ULBP1: variants seen among roughly 807,000 people sequenced by gnomAD.
ULBP1 encodes UL16-binding protein 1.
In ULBP1, 28 loss-of-function variants were observed where a neutral mutation model predicts 25.3. That is an observed-to-expected ratio of 1.10 (90% CI 0.82 to 1.51). ULBP1 has a LOEUF of 1.51. Among genes scored for constraint, ULBP1 ranks in the 40% most tolerant of loss-of-function variants. The pLI is 0.00. For missense variants in ULBP1, 348 were observed against 290.9 expected (o/e 1.20, Z -1.43); for synonymous variants, 129 against 103.0 (o/e 1.25, Z -1.53).
At chr6:149,966,346 T>A (rs908557074) in intron 1 of ULBP1, among the ~76,000 whole-genome samples, 23 of 151,996 alleles carry the variant, frequency 1.5e-4, no homozygotes, top group African/African-American at 5.6e-4. Flanking sequence ...GGGTGTCATC[T>A]CCAAGTAGTG....
intron 3 of ULBP1, 85 bp downstream of exon 3, chr6:149,969,445 G>C (rs549445059): frequency 1.3e-6 from 2 of 1,520,294 alleles, no homozygotes; most frequent in East Asian, 4.6e-5. Flanking sequence ...GTGTGTGTGT[G>C]TTTGAGTGAG....
chr6:149,967,271 T>C (rs1257545140), intron 1 of ULBP1, among the ~76,000 whole-genome samples: 2 of 152,128 alleles, frequency 1.3e-5, no homozygotes, highest in Non-Finnish European at 2.9e-5. Flanking sequence ...TGGGAGGAGG[T>C]TGGATCACAC....
chr6:149,965,285 A>T (rs371427201), intron 1 of ULBP1, among the ~76,000 whole-genome samples: 1 of 87,380 alleles, frequency 1.1e-5, no homozygotes, highest in Non-Finnish European at 2.2e-5. Flanking sequence ...GCGATCCCCC[A>T]GAACATCGCG....
At position 149,971,357 on chromosome 6, in the gene ULBP1, T is replaced by C. The variant is rs936437675; in HGVS notation, c.*23-12T>C. The C allele has an allele frequency of 4.1e-6, 4 of 985,334 alleles. No homozygotes were observed. The African/African-American group carries it at 7.0e-5, about 17-fold the overall frequency. 61.0% of individuals were successfully genotyped at this position (985,334 alleles called of 1,614,324 possible). On this transcript the variant is annotated splice_polypyrimidine_tract_variant and intron_variant, in intron 4 of 4. Coordinates refer to ENST00000229708, the MANE Select transcript of ULBP1 (RefSeq NM_025218.4). ...CTCAGCCACTTAAACCAATGCTTCA[T>C]CTTTTCTCAAGGTGGAAAGTGATAT...
Position 149,967,824 on chromosome 6 carries a change from C to A in ULBP1, c.86-783C>A, listed in dbSNP as rs140539312. 7.9e-3 allele frequency among the ~76,000 whole-genome samples: 1,208 copies of A among 152,256 alleles called. 29 individuals are homozygous for A. Among genetic ancestry groups the A allele is most frequent in the Admixed American group, 0.051 (777 of 15,290 alleles). ...GAACAGCATTTCCTACCCCCAACCC[C>A]GGCCTTCAGCAACAGGCATTCCTGG... On this transcript the variant is annotated intron_variant, in intron 1 of 4. Coordinates refer to ENST00000229708, the MANE Select transcript of ULBP1 (RefSeq NM_025218.4).
In ULBP1 at chr6:149,968,698, G is replaced by T. The variant is rs575290293; in HGVS notation, c.177G>T (p.Arg59Ser). ...AAGTTCAAGGCCTGGTGGATGAAAG[G>T]CCTTTTCTTCACTATGACTGTGTTA... Reference protein sequence around the residue: ...WCEVQGLVDERPFLHYDCVNH... With the variant: ...WCEVQGLVDESPFLHYDCVNH... Residue 59 changes from arginine (R) to serine (S), a missense_variant, in exon 2 of 5, where the codon AGG becomes AGT. Transcript: ENST00000229708. 6.2e-7 allele frequency: 1 copy of T among 1,614,110 alleles called. No homozygotes were observed. Among genetic ancestry groups the T allele is most frequent in the Non-Finnish European group, 8.5e-7 (1 of 1,180,052 alleles).
At chr6:149,969,919 T>G (rs865997125) in intron 3 of ULBP1, 97 bp from the exon 4 acceptor site, 15 of 1,476,810 alleles carry the variant, frequency 1.0e-5, no homozygotes, top group South Asian at 1.3e-5. Flanking sequence ...ACAAAAGGTC[T>G]GCCTTCCAGG....
chr6:149,964,083 T>C lies in ULBP1; in HGVS notation c.34T>C (p.Cys12Arg). Residue 12 changes from cysteine to arginine, a missense_variant, in exon 1 of 5, where the codon TGC becomes CGC. Physicochemically the swap from Cys to Arg is radical, Grantham distance 180. Coordinates refer to ENST00000229708, the MANE Select transcript of ULBP1 (RefSeq NM_025218.4). ...AAAASPAFLL[C>R]LPLLHLLSGW... ...GGCCGCCAGCCCCGCGTTCCTTCTGTGCCTCCCGCTTCTGCACCTGCTGTC... is the reference window on the plus strand; with the variant it reads ...GGCCGCCAGCCCCGCGTTCCTTCTGCGCCTCCCGCTTCTGCACCTGCTGTC... 1 of 1,614,180 alleles carries C rather than the reference T, an allele frequency of 6.2e-7. No homozygotes were observed. The highest frequency in any genetic ancestry group is 8.5e-7 in the Non-Finnish European group (1 of 1,180,036).
chr6:149,972,381 T>C lies in ULBP1; in HGVS notation c.*1035T>C, dbSNP rs1262105272. The C allele has an allele frequency of 6.6e-6, 1 of 152,144 alleles. No homozygotes were observed. The highest frequency in any genetic ancestry group is 1.5e-5 in the Non-Finnish European group (1 of 68,026). 9.4% of individuals were successfully genotyped at this position (152,144 alleles called of 1,614,324 possible). On this transcript the variant is annotated 3_prime_UTR_variant, in exon 5 of 5. Transcript: ENST00000229708. ...TCAATATGGATGAAAGATTTAAATA[T>C]AAGTACTAAAACTGTAAAAATCCTG...
intron 4 of ULBP1, among the ~76,000 whole-genome samples, chr6:149,970,597 G>A (rs2114715530): frequency 6.6e-6 from 1 of 152,364 alleles, no homozygotes; most frequent in African/African-American, 2.4e-5. Context: ...CCCAGGACGA[G>A]GGAGCTGTGA....
Position 149,968,711 on chromosome 6 carries a change from T to G in ULBP1, c.190T>G (p.Tyr64Asp), listed in dbSNP as rs748113055. 1.9e-6 allele frequency: 3 copies of G among 1,614,256 alleles called. No individual in the cohort carries two copies. The South Asian group carries it at 3.3e-5, about 18-fold the overall frequency. ...GLVDERPFLH[Y>D]DCVNHKAKAF... ...GGTGGATGAAAGGCCTTTTCTTCAC[T>G]ATGACTGTGTTAACCACAAGGCCAA... The change falls in exon 2 of 5, where the codon TAT becomes GAT. Residue 64 changes from tyrosine to aspartate, a missense_variant. Transcript: ENST00000229708.
chr6:149,967,480 G>T (rs572081763), intron 1 of ULBP1, among the ~76,000 whole-genome samples: 1 of 152,172 alleles, frequency 6.6e-6, no homozygotes, highest in Non-Finnish European at 1.5e-5. Context: ...CTCAAAGCTG[G>T]GCAAAGGAGC....
chr6:149,970,112 T>C lies in ULBP1; in HGVS notation c.722T>C (p.Leu241Pro), dbSNP rs763693687. Residue 241 changes from leucine (L) to proline (P), a missense_variant, in exon 4 of 5, where the codon CTA (leucine) becomes CCA (proline). Coordinates refer to ENST00000229708, the MANE Select transcript of ULBP1 (RefSeq NM_025218.4). ...SLLIIFLCFI[L>P]AGR ...CTCATCATCTTCCTCTGCTTCATTC[T>C]AGCTGGCAGATGAGGAGAGTTGTTT... is the stretch of plus-strand genomic sequence containing the variant. 7 of 1,609,576 alleles carry C rather than the reference T, an allele frequency of 4.3e-6. No individual in the cohort carries two copies. The African/African-American group carries it at 5.3e-5, about 12-fold the overall frequency.
intron 1 of ULBP1, 61 bp downstream of exon 1, chr6:149,964,195 A>G: frequency 6.3e-7 from 1 of 1,588,268 alleles, no homozygotes; most frequent in Non-Finnish European, 8.6e-7. Context: ...TGTGGACTGC[A>G]GCGGGTTTCA....
intron 1 of ULBP1, among the ~76,000 whole-genome samples, chr6:149,967,825 G>A (rs949719458): frequency 3.3e-5 from 5 of 151,998 alleles, no homozygotes; most frequent in Admixed American, 6.5e-5. Flanking sequence ...CCCCAACCCC[G>A]GCCTTCAGCA....
At chr6:149,967,330 G>A (rs1167843102) in intron 1 of ULBP1, among the ~76,000 whole-genome samples, 4 of 152,232 alleles carry the variant, frequency 2.6e-5, no homozygotes, top group Admixed American at 2.0e-4. Flanking sequence ...ATGGCATACA[G>A]TTACCAGAGT....
chr6:149,968,904 T>C, intron 2 of ULBP1, 34 bp downstream of exon 2: 1 of 1,597,830 alleles, frequency 6.3e-7, no homozygotes, highest in Non-Finnish European at 8.5e-7. Flanking sequence ...GCAGACACAG[T>C]AGTAACTTAG....
Position 149,972,963 on chromosome 6 carries a change from A to G in ULBP1, c.*1617A>G, listed in dbSNP as rs765273095. The G allele has an allele frequency of 2.6e-5, 4 of 152,192 alleles. No homozygotes were observed. Among genetic ancestry groups the G allele is most frequent in the Non-Finnish European group, 5.9e-5 (4 of 68,030 alleles). The allele number at this position is 152,192 out of a possible 1,614,324, so 9.4% of individuals were successfully genotyped here. Reference sequence around the variant, plus strand: ...AATAGAACTACCATTCAATCCCGCAATCCCACTACTCGGGATATACCCACA... The same window carrying G: ...AATAGAACTACCATTCAATCCCGCAGTCCCACTACTCGGGATATACCCACA... On this transcript the variant is annotated 3_prime_UTR_variant, in exon 5 of 5. Coordinates refer to ENST00000229708, the MANE Select transcript of ULBP1 (RefSeq NM_025218.4).
rs1779332906 is a variant in ULBP1 at position 149,972,345 on chromosome 6, T to A, written c.*999T>A. The A allele has an allele frequency of 6.6e-6, 1 of 152,132 alleles. No individual in the cohort carries two copies. The allele number at this position is 152,132 out of a possible 1,614,324, so 9.4% of individuals were successfully genotyped here. A position where few individuals can be genotyped will look rare whatever the true frequency, so the allele number is the denominator to read the frequency against. ...CTGAACCCCTACTTCTCCCCATATA[T>A]GTAAAATAATTCAATATGGATGAAA... On this transcript the variant is annotated 3_prime_UTR_variant, in exon 5 of 5. Transcript: ENST00000229708.
Sources: allele counts gnomAD v4.1 joint callset (sites outside exome capture counted in the v4.1 genomes callset), GRCh38; gene constraint gnomAD v4.1.1; transcripts MANE v1.5; gene names NCBI Gene and HGNC (gene_info 2026-07-23, HGNC 2026-07-21).